KIF11: variants seen among roughly 807,000 people sequenced by gnomAD.
KIF11 encodes the protein kinesin family member 11, also known as kinesin-like protein KIF11.
KIF11 carries 9 observed loss-of-function variants against 121.0 expected under a neutral mutation model. That is an observed-to-expected ratio of 0.07 (90% confidence interval 0.04 to 0.13). The LOEUF (loss-of-function observed/expected upper bound fraction) is 0.13, where lower values mean the gene tolerates loss of function less well. KIF11 is among the 10% of genes least tolerant of loss of function. The pLI is 1.00. For missense variants in KIF11, 846 were observed against 1,217.5 expected, an observed-to-expected ratio of 0.69 and a Z score of 4.54; for synonymous variants, 408 against 421.0, an observed-to-expected ratio of 0.97 and a Z score of 0.38.
At chr10:92,612,503 T>C (rs1169846677) in intron 6 of KIF11, among the ~76,000 whole-genome samples, 1 of 152,214 alleles carries the variant, frequency 6.6e-6, no homozygotes, top group African/African-American at 2.4e-5. Context: ...GATTATCTTG[T>C]AGTGTTTTAG....
intron 1 of KIF11, chr10:92,597,193 T>A (rs982985197): frequency 8.5e-5 from 23 of 270,862 alleles, no homozygotes; most frequent in African/African-American, 9.1e-5. Context: ...TGTATTTGAC[T>A]TTGGAGAACA....
At chr10:92,595,082 GA>G (rs960612183) in intron 1 of KIF11, among the ~76,000 whole-genome samples, 9 of 151,970 alleles carry the variant, frequency 5.9e-5, no homozygotes, top group South Asian at 2.1e-4. Flanking sequence ...AGTTTTTTTT[GA>G]GACGGAGTCT....
Position 92,649,979 on chromosome 10 carries a change from C to A in KIF11, c.2915C>A (p.Thr972Lys). 1 of 1,607,690 alleles carries A rather than the reference C, an allele frequency of 6.2e-7. No homozygotes were observed. Reference sequence around the variant, plus strand: ...TGTTCAGAAAACAACAAAGAAGAGACAATTCCGGTAAATTTAAAGGATCAT... The same window carrying A: ...TGTTCAGAAAACAACAAAGAAGAGAAAATTCCGGTAAATTTAAAGGATCAT... ...LNCSENNKEE[T>K]IPDVDVEEAV... The change falls in exon 20 of 22, where the codon ACA (threonine) becomes AAA (lysine). Residue 972 changes from threonine (T) to lysine (K), a missense_variant. Coordinates refer to ENST00000260731, the MANE Select transcript of KIF11 (RefSeq NM_004523.4).
In KIF11 at chr10:92,645,515, A is replaced by G; in HGVS notation, c.2420A>G (p.Asn807Ser). 1 of 1,614,096 alleles carries G rather than the reference A, an allele frequency of 6.2e-7. No individual in the cohort carries two copies. The highest frequency in any genetic ancestry group is 8.5e-7 in the Non-Finnish European group (1 of 1,179,958). ...AAACACTCTGATAAACTCAATGGCAACCTGGAAAAAATATCTCAAGAGACT... is the reference window on the plus strand; with the variant it reads ...AAACACTCTGATAAACTCAATGGCAGCCTGGAAAAAATATCTCAAGAGACT... ...SVKHSDKLNG[N>S]LEKISQETEQ... Residue 807 changes from asparagine (N) to serine (S), a missense_variant, in exon 18 of 22, where the codon AAC becomes AGC. Physicochemically the swap from Asn to Ser is conservative, Grantham distance 46 (BLOSUM62 1). Coordinates refer to ENST00000260731, the MANE Select transcript of KIF11 (RefSeq NM_004523.4).
intron 4 of KIF11, among the ~76,000 whole-genome samples, chr10:92,607,819 G>A (rs1844445828): frequency 6.6e-6 from 1 of 152,104 alleles, no homozygotes; most frequent in Non-Finnish European, 1.5e-5. Context: ...AAAAAGTTTA[G>A]TTTTAAATTT....
chr10:92,617,074 A>G (rs555451933), intron 9 of KIF11, among the ~76,000 whole-genome samples: 114 of 152,366 alleles, frequency 7.5e-4, no homozygotes, highest in African/African-American at 2.6e-3. Flanking sequence ...ATTTACATTT[A>G]CAAAATTTAT....
At chr10:92,601,972 A>G (rs1480997184) in intron 1 of KIF11, among the ~76,000 whole-genome samples, 1 of 152,118 alleles carries the variant, frequency 6.6e-6, no homozygotes, top group Non-Finnish European at 1.5e-5. Context: ...CATTTTTATG[A>G]CTAATGGGTT....
At chr10:92,603,470 C>G (rs1274804929) in intron 1 of KIF11, among the ~76,000 whole-genome samples, 1 of 151,514 alleles carries the variant, frequency 6.6e-6, no homozygotes, top group African/African-American at 2.4e-5. Context: ...GGCACAGTCT[C>G]GGCTCACTGC....
rs375123979 is a variant in KIF11, at chr10:92,646,014, C to T, written c.2547+372C>T. Among the ~76,000 whole-genome samples, 51 of 147,942 alleles carry T rather than the reference C, an allele frequency of 3.4e-4. No homozygotes were observed. In the East Asian group the frequency reaches 9.0e-3, roughly 26 times the overall value. ...TTGCCCAGGCTGGAGTGCAATGGCA[C>T]GATCTCAGCTCACTGCAACCTCCGC... On this transcript the variant is annotated intron_variant, in intron 18 of 21. Transcript: ENST00000260731.
chr10:92,635,102 A>G (rs948068506), intron 14 of KIF11, among the ~76,000 whole-genome samples: 19 of 152,252 alleles, frequency 1.2e-4, no homozygotes, highest in East Asian at 1.9e-4. Flanking sequence ...CATATAATTT[A>G]TTTGTTTTCT....
intron 10 of KIF11, among the ~76,000 whole-genome samples, chr10:92,623,643 C>T (rs1036697086): frequency 3.9e-5 from 6 of 152,016 alleles, no homozygotes; most frequent in African/African-American, 1.4e-4. Context: ...GTAAGATGCC[C>T]TAGAATCAGA....
chr10:92,637,266 A>G lies in KIF11; in HGVS notation c.1958A>G (p.Gln653Arg), dbSNP rs1305104006. The G allele has an allele frequency of 6.3e-7, 1 of 1,590,466 alleles. No homozygotes were observed. Among genetic ancestry groups the G allele is most frequent in the Non-Finnish European group, 8.5e-7 (1 of 1,174,676 alleles). ...TVVSILKINS[Q>R]LKHIFKTSLT... ...GTGTCTATACTGAAAATCAATAGTCAACTAAAGCATATTTTCAAGACTTCA... is the reference window on the plus strand; with the variant it reads ...GTGTCTATACTGAAAATCAATAGTCGACTAAAGCATATTTTCAAGACTTCA... The change falls in exon 15 of 22, where the codon CAA becomes CGA. Residue 653 changes from glutamine to arginine, a missense_variant. This residue lies in a region of KIF11 where 492 missense variants were observed against 603.4 expected (regional missense o/e 0.82). Transcript: ENST00000260731.
intron 17 of KIF11, among the ~76,000 whole-genome samples, chr10:92,642,315 C>T (rs1589605847): frequency 1.3e-5 from 2 of 152,208 alleles, no homozygotes; most frequent in East Asian, 1.9e-4. Flanking sequence ...GATCCAGGCT[C>T]ACTTTTATGG....
At chr10:92,647,771 C>G (rs147373388) in intron 18 of KIF11, among the ~76,000 whole-genome samples, 9 of 152,162 alleles carry the variant, frequency 5.9e-5, no homozygotes, top group Non-Finnish European at 1.2e-4. Context: ...GTAATGAATA[C>G]AAGGGAGTTA....
At chr10:92,600,912 G>T (rs899627820) in intron 1 of KIF11, among the ~76,000 whole-genome samples, 1 of 147,476 alleles carries the variant, frequency 6.8e-6, no homozygotes, top group Non-Finnish European at 1.5e-5. Flanking sequence ...CCAGGCTGGA[G>T]CGCGGTGGCG....
chr10:92,610,340 G>T (rs1040317754), intron 6 of KIF11, among the ~76,000 whole-genome samples: 1 of 151,858 alleles, frequency 6.6e-6, no homozygotes, highest in South Asian at 2.1e-4. Flanking sequence ...GATTTTTTTC[G>T]CTCTAAATAT....
intron 2 of KIF11, 29 bp from the exon 3 acceptor site, chr10:92,606,590 A>T (rs1395322314): frequency 9.8e-6 from 11 of 1,117,914 alleles, no homozygotes; most frequent in South Asian, 6.1e-5. Flanking sequence ...TTTGAGGTTG[A>T]TTTTTTTTTT....
At chr10:92,638,438 A>T (rs1453803695) in intron 16 of KIF11, among the ~76,000 whole-genome samples, 1 of 152,180 alleles carries the variant, frequency 6.6e-6, no homozygotes, top group African/African-American at 2.4e-5. Flanking sequence ...GCATTTTCTC[A>T]TACATCTACA....
chr10:92,627,257 T>C (rs992356262), intron 10 of KIF11, among the ~76,000 whole-genome samples: 1 of 152,196 alleles, frequency 6.6e-6, no homozygotes, highest in Non-Finnish European at 1.5e-5. Flanking sequence ...TTGGTTGTTA[T>C]CAAAGAATTA....
Sources: allele counts gnomAD v4.1 joint callset (sites outside exome capture counted in the v4.1 genomes callset), GRCh38; gene constraint gnomAD v4.1.1; regional missense constraint gnomAD v4.1.1; transcripts MANE v1.5; gene names NCBI Gene and HGNC (gene_info 2026-07-23, HGNC 2026-07-21).